RP1: variants seen among roughly 807,000 people sequenced by gnomAD.
The protein encoded by RP1 is oxygen-regulated protein 1.
A neutral mutation model predicts 14.8 loss-of-function variants in RP1; 16 were observed. That is an observed-to-expected ratio of 1.08 (90% CI 0.73 to 1.65). The LOEUF is 1.65. Among genes scored for constraint, RP1 ranks in the 40% most tolerant of loss-of-function variants. The pLI, the probability that RP1 is intolerant of heterozygous loss-of-function variation, is 0.00. For missense variants in RP1, 2,631 were observed against 2,535.0 expected (o/e 1.04, Z -0.81); for synonymous variants, 876 against 883.6 (o/e 0.99, Z 0.15).
In RP1 at chr8:54,625,228, C is replaced by G. The variant is rs760968123; in HGVS notation, c.1346C>G (p.Pro449Arg). 1 of 1,614,004 alleles carries G rather than the reference C, an allele frequency of 6.2e-7. No individual in the cohort carries two copies. Among genetic ancestry groups the G allele is most frequent in the South Asian group, 1.1e-5 (1 of 91,070 alleles). ...CAAGCAAAGCATCGTTTTTATAGGCCCCCTACACCTGGACTAAGAAGAGTG... is the reference window on the plus strand; with the variant it reads ...CAAGCAAAGCATCGTTTTTATAGGCGCCCTACACCTGGACTAAGAAGAGTG... ...QDQAKHRFYR[P>R]PTPGLRRVRQ... is the part of the protein sequence containing the mutation. The change falls in exon 4 of 4, where the codon CCC becomes CGC. Residue 449 changes from proline to arginine, a missense_variant. Coordinates refer to ENST00000220676, the MANE Select transcript of RP1 (RefSeq NM_006269.2).
downstream of RP1, among the ~76,000 whole-genome samples, chr8:54,634,643 A>G (rs117038699): frequency 0.011 from 1,637 of 152,360 alleles, 9 homozygotes; most frequent in Non-Finnish European, 0.017. Context: ...CAAAGAATGT[A>G]TGACCAAAAA....
intron 24 of RP1, among the ~76,000 whole-genome samples, chr8:54,795,044 C>T (rs1465631884): frequency 6.6e-6 from 1 of 151,848 alleles, no homozygotes; most frequent in Non-Finnish European, 1.5e-5. Context: ...AATGAGATAC[C>T]ACATCTAACC....
At chr8:54,726,408 A>G (rs1383416618) in exon 17 of RP1, 31 of 1,534,630 alleles carry the variant, frequency 2.0e-5, no homozygotes, top group Middle Eastern at 1.7e-4. Flanking sequence ...AAGATCCATG[A>G]GTCAAAAAAA....
chr8:54,643,920 A>C (rs1427507283), intron 3 of RP1, among the ~76,000 whole-genome samples: 1 of 152,172 alleles, frequency 6.6e-6, no homozygotes, highest in African/African-American at 2.4e-5. Context: ...TAAGTGCAAA[A>C]TGCATTTACC....
chr8:54,755,773 G>T (rs1343327070), intron 21 of RP1: 2 of 1,477,110 alleles, frequency 1.4e-6, no homozygotes, highest in Non-Finnish European at 1.8e-6. Context: ...GAGGACAGGT[G>T]AGTCTATACA....
intron 6 of RP1, among the ~76,000 whole-genome samples, chr8:54,658,469 T>G (rs1806805102): frequency 2.2e-5 from 3 of 138,374 alleles, no homozygotes; most frequent in Non-Finnish European, 4.5e-5. Flanking sequence ...GAGAATGGCG[T>G]GAACCCGGGA....
At chr8:54,576,442 TCTACTCTTGCATTACTTA>T (rs1804666591) in intron 1 of RP1, among the ~76,000 whole-genome samples, 1 of 152,244 alleles carries the variant, frequency 6.6e-6, no homozygotes, top group Admixed American at 6.5e-5. Context: ...AGTACGTGTT[TCTACTCTTGCATTACTTA>T]CCGGCAACCT....
intron 19 of RP1, among the ~76,000 whole-genome samples, chr8:54,749,783 A>G (rs1209943067): frequency 1.3e-5 from 2 of 152,066 alleles, no homozygotes; most frequent in Non-Finnish European, 2.9e-5. Context: ...GAAGTGCTGG[A>G]GAGCTTTCTT....
At chr8:54,825,901 C>G (rs1217129051) in intron 24 of RP1, among the ~76,000 whole-genome samples, 1 of 130,868 alleles carries the variant, frequency 7.6e-6, no homozygotes, top group African/African-American at 2.9e-5. Flanking sequence ...AAGACCCTGT[C>G]TCCACAAAAA....
chr8:54,566,173 ACTTC>A (rs1237177369), intron 1 of RP1, among the ~76,000 whole-genome samples: 2 of 152,202 alleles, frequency 1.3e-5, no homozygotes. Context: ...TGAGGGTTGG[ACTTC>A]AACATATGAA....
rs777746806 is a variant in RP1, at chr8:54,625,474, T to C, written c.1592T>C (p.Leu531Ser). 1 of 1,613,926 alleles carries C rather than the reference T, an allele frequency of 6.2e-7. No homozygotes were observed. The highest frequency in any genetic ancestry group is 8.5e-7 in the Non-Finnish European group (1 of 1,180,008). The change falls in exon 4 of 4, where the codon TTA (leucine) becomes TCA (serine). Residue 531 changes from leucine to serine, a missense_variant. Physicochemically the swap from Leu to Ser is moderately radical, Grantham distance 145. Transcript: ENST00000220676. ...NNNDQMEESS[L>S]ERKKENSLLK... Reference sequence around the variant, plus strand: ...AATGATCAAATGGAGGAGTCATCATTAGAAAGAAAAAAGGAAAACAGTCTG... The same window carrying C: ...AATGATCAAATGGAGGAGTCATCATCAGAAAGAAAAAAGGAAAACAGTCTG...
Position 54,620,994 on chromosome 8 carries a change from T to C in RP1, c.28T>C (p.Ser10Pro). The C allele has an allele frequency of 6.2e-7, 1 of 1,614,186 alleles. No individual in the cohort carries two copies. The highest frequency in any genetic ancestry group is 1.7e-5 in the Admixed American group (1 of 60,022). The change falls in exon 2 of 4, where the codon TCC becomes CCC. Residue 10 changes from serine to proline, a missense_variant. Coordinates refer to ENST00000220676, the MANE Select transcript of RP1 (RefSeq NM_006269.2). The stretch of plus-strand genomic sequence containing the variant: ...GAGTGATACCCCTTCTACTGGTTTT[T>C]CCATCATTCATCCTACGTCTTCTGA... MSDTPSTGF[S>P]IIHPTSSEGQ...
At chr8:54,830,697 G>C (rs1811498723) in intron 24 of RP1, among the ~76,000 whole-genome samples, 1 of 152,050 alleles carries the variant, frequency 6.6e-6, no homozygotes, top group Admixed American at 6.5e-5. Flanking sequence ...ATAAAAAATT[G>C]AGTTGAAATT....
intron 12 of RP1, among the ~76,000 whole-genome samples, chr8:54,691,402 A>G (rs1286069068): frequency 6.6e-6 from 1 of 152,056 alleles, no homozygotes; most frequent in Non-Finnish European, 1.5e-5. Context: ...ATAAATCTAG[A>G]AGGATTTAGA....
chr8:54,795,983 G>T (rs1234620043), intron 24 of RP1, among the ~76,000 whole-genome samples: 3 of 151,906 alleles, frequency 2.0e-5, no homozygotes, highest in African/African-American at 4.8e-5. Flanking sequence ...TTGCAATTTG[G>T]AATATTATCT....
chr8:54,590,643 G>A (rs755414322), intron 1 of RP1, among the ~76,000 whole-genome samples: 3 of 152,070 alleles, frequency 2.0e-5, no homozygotes, highest in Non-Finnish European at 2.9e-5. Context: ...CTTCTCTTTC[G>A]TTTTTAAATT....
At chr8:54,855,411 A>T (rs1301919871) in intron 26 of RP1, among the ~76,000 whole-genome samples, 1 of 152,208 alleles carries the variant, frequency 6.6e-6, no homozygotes, top group Admixed American at 6.5e-5. Flanking sequence ...AGCTATTGTG[A>T]ATGATGTCGC....
chr8:54,714,868 A>C (rs753869377), intron 15 of RP1, among the ~76,000 whole-genome samples: 2 of 152,254 alleles, frequency 1.3e-5, no homozygotes, highest in Non-Finnish European at 2.9e-5. Context: ...AAGAATATAC[A>C]GTGGGCCTTA....
intron 24 of RP1, among the ~76,000 whole-genome samples, chr8:54,814,622 A>G (rs1385324815): frequency 6.6e-6 from 1 of 152,158 alleles, no homozygotes. Context: ...TTGCCCTATT[A>G]TGTTTTCAAA....
Sources: allele counts gnomAD v4.1 joint callset (sites outside exome capture counted in the v4.1 genomes callset), GRCh38; gene constraint gnomAD v4.1.1; transcripts MANE v1.5; gene names NCBI Gene and HGNC (gene_info 2026-07-23, HGNC 2026-07-21).